The following DMD variants were observed in gnomAD, a reference collection of about 807,000 sequenced individuals.
DMD encodes the protein mutant dystrophin.
A neutral mutation model predicts 330.1 loss-of-function variants in DMD; 63 were observed. That is an observed-to-expected ratio of 0.19 (90% CI 0.16 to 0.24). The LOEUF (loss-of-function observed/expected upper bound fraction) is 0.24. DMD is among the 10% of genes least tolerant of loss of function. DMD has a pLI of 1.00. For missense variants in DMD, 3,344 were observed against 2,684.1 expected, an observed-to-expected ratio of 1.25 and a Z score of -5.43; for synonymous variants, 1,223 against 959.8, an observed-to-expected ratio of 1.27 and a Z score of -5.07.
intron 13 of DMD, among the ~76,000 whole-genome samples, chrX:32,591,530 GCT>G (rs1569265188): frequency 6.3e-5 from 7 of 111,589 alleles, no homozygotes; most frequent in Admixed American, 3.8e-4. Flanking sequence ...TATAAACCAC[GCT>G]CTCTTGATTT....
At chrX:33,029,865 A>C (rs1264431068) in intron 1 of DMD, among the ~76,000 whole-genome samples, 7 of 111,861 alleles carry the variant, frequency 6.3e-5, no homozygotes, top group Non-Finnish European at 1.3e-4. Context: ...CAGTTGGAAA[A>C]ACAGTGCCAT....
chrX:31,417,978 C>T (rs1256963554), intron 60 of DMD, among the ~76,000 whole-genome samples: 2 of 107,350 alleles, frequency 1.9e-5, no homozygotes, highest in Non-Finnish European at 3.8e-5. Context: ...CGTGAGCCAC[C>T]GTGCCTGGCC....
At chrX:32,445,171 T>C (rs1180866048) in intron 27 of DMD, among the ~76,000 whole-genome samples, 1 of 111,349 alleles carries the variant, frequency 9.0e-6, no homozygotes, top group Non-Finnish European at 1.9e-5. Context: ...GAGATCTTTT[T>C]TGGGGGGTTC....
At chrX:32,711,843 G>A (rs1603237340) in intron 7 of DMD, among the ~76,000 whole-genome samples, 1 of 111,652 alleles carries the variant, frequency 9.0e-6, no homozygotes, top group African/African-American at 3.3e-5. Context: ...CATATACACT[G>A]TCTATGCATG....
intron 60 of DMD, among the ~76,000 whole-genome samples, chrX:31,368,275 T>C (rs1313141217): frequency 8.9e-6 from 1 of 112,526 alleles, no homozygotes; most frequent in Admixed American, 9.4e-5. Flanking sequence ...AGTTCACAGC[T>C]TTGATAGAAA....
chrX:32,451,536 G>A (rs1284701647), intron 26 of DMD, among the ~76,000 whole-genome samples: 1 of 110,322 alleles, frequency 9.1e-6, no homozygotes, highest in Non-Finnish European at 1.9e-5. Context: ...CTGTACCCTG[G>A]GTTCTTTTAT....
At chrX:31,943,878 T>TGA (rs536982335) in intron 45 of DMD, among the ~76,000 whole-genome samples, 3,623 of 74,135 alleles carry the variant, frequency 0.049, 127 homozygotes, top group South Asian at 0.12. Context: ...CCCCAGAGAG[T>TGA]GAGAGAGAGA....
At chrX:32,737,081 G>A (rs978527731) in intron 7 of DMD, among the ~76,000 whole-genome samples, 1 of 109,783 alleles carries the variant, frequency 9.1e-6, no homozygotes, top group African/African-American at 3.3e-5. Flanking sequence ...TGTTTCATAT[G>A]TTATTATCTT....
Position 32,491,487 on chromosome X carries a change from G to C in DMD, c.2412C>G (p.Ala804=). 1.7e-6 allele frequency: 2 copies of C among 1,210,400 alleles called. No individual in the cohort carries two copies. Among genetic ancestry groups the C allele is most frequent in the Non-Finnish European group, 2.2e-6 (2 of 894,749 alleles). The change falls in exon 20 of 79, where the codon GCC becomes GCG. Residue 804 remains alanine (A), a synonymous_variant. Coordinates refer to ENST00000357033, the MANE Select transcript of DMD (RefSeq NM_004006.3). ...EGVNADSIKQ[A]SEQLNSRWIE... is the part of the protein sequence containing the mutation. ...TCCACCGGCTGTTCAGTTGTTCTGA[G>C]GCTTGTTTGATGCTATCTGCATTAA...
intron 50 of DMD, among the ~76,000 whole-genome samples, chrX:31,777,259 G>A (rs972944546): frequency 9.0e-6 from 1 of 111,425 alleles, no homozygotes; most frequent in African/African-American, 3.3e-5. Flanking sequence ...AGAAGATAAT[G>A]GAGGAAGACC....
At chrX:32,505,291 G>A (rs778405686) in intron 18 of DMD, among the ~76,000 whole-genome samples, 21 of 112,351 alleles carry the variant, frequency 1.9e-4, no homozygotes, top group South Asian at 3.7e-4. Context: ...ATTCTTATCC[G>A]AAATACACAA....
At chrX:31,966,620 C>A (rs1192939431) in intron 45 of DMD, among the ~76,000 whole-genome samples, 3 of 110,706 alleles carry the variant, frequency 2.7e-5, no homozygotes, top group Non-Finnish European at 5.7e-5. Flanking sequence ...ACAGCCAAAT[C>A]CCTAGCTGTA....
chrX:33,059,360 C>T (rs191355102), intron 1 of DMD, among the ~76,000 whole-genome samples: 7 of 104,588 alleles, frequency 6.7e-5, no homozygotes, highest in Non-Finnish European at 3.9e-5. Flanking sequence ...AATAATTTCC[C>T]TCTATCTCTC....
At chrX:31,510,073 A>C (rs921670169) in intron 55 of DMD, among the ~76,000 whole-genome samples, 1 of 112,172 alleles carries the variant, frequency 8.9e-6, no homozygotes, top group Admixed American at 9.5e-5. Context: ...ATGGTGATAC[A>C]GAGCTGTAAA....
chrX:32,385,372 A>G (rs1036016033), intron 33 of DMD, among the ~76,000 whole-genome samples: 1 of 111,091 alleles, frequency 9.0e-6, no homozygotes, highest in African/African-American at 3.3e-5. Context: ...GCAATTGGAC[A>G]CTTATCTCAC....
intron 48 of DMD, among the ~76,000 whole-genome samples, chrX:31,872,000 G>T (rs1467464623): frequency 1.8e-5 from 2 of 108,555 alleles, no homozygotes; most frequent in Non-Finnish European, 3.8e-5. Context: ...TATTCACACA[G>T]GTCACCATTT....
intron 42 of DMD, among the ~76,000 whole-genome samples, chrX:32,308,996 A>G (rs940064477): frequency 1.8e-5 from 2 of 111,380 alleles, no homozygotes; most frequent in Non-Finnish European, 3.8e-5. Flanking sequence ...CATTGTACCA[A>G]TAAGTGATTT....
chrX:32,642,621 G>T lies in DMD; in HGVS notation c.1331+1511C>A, dbSNP rs779851143. Among the ~76,000 whole-genome samples the T allele has an allele frequency of 5.3e-5, 6 of 112,193 alleles. No individual in the cohort carries two copies. The South Asian group carries it at 2.2e-3, about 41-fold the overall frequency. ...TTAAATGTTAGAATCACAGATAAAAGACTTTTTTTATGTTTCAGATAAGCA... is the reference window on the plus strand; with the variant it reads ...TTAAATGTTAGAATCACAGATAAAATACTTTTTTTATGTTTCAGATAAGCA... On this transcript the variant is annotated intron_variant, in intron 11 of 78. Transcript: ENST00000357033.
chrX:31,994,126 G>A (rs767672650), intron 44 of DMD, among the ~76,000 whole-genome samples: 1 of 111,676 alleles, frequency 9.0e-6, no homozygotes, highest in South Asian at 3.7e-4. Flanking sequence ...AACGCCAACT[G>A]TTAGAAGCGT....
Sources: allele counts gnomAD v4.1 joint callset (sites outside exome capture counted in the v4.1 genomes callset), GRCh38; gene constraint gnomAD v4.1.1; transcripts MANE v1.5; gene names NCBI Gene and HGNC (gene_info 2026-07-23, HGNC 2026-07-21).